The following MYOF variants were observed in gnomAD, a reference collection of about 807,000 sequenced individuals.
MYOF encodes the protein myoferlin.
In MYOF, 244 loss-of-function variants were observed where a neutral mutation model predicts 284.2. That is an observed-to-expected ratio of 0.86 (90% confidence interval 0.77 to 0.95). MYOF has a LOEUF of 0.95. Among genes scored for constraint, MYOF ranks in the 40% least tolerant of loss-of-function variants. MYOF has a pLI of 0.00. For synonymous variants in MYOF, 904 were observed against 919.7 expected (o/e 0.98, Z 0.31); for missense variants, 2,496 against 2,560.6 (o/e 0.97, Z 0.54).
In MYOF at chr10:93,310,012, G is replaced by T; in HGVS notation, c.6147+8C>A. The T allele has an allele frequency of 6.2e-7, 1 of 1,614,040 alleles. No homozygotes were observed. The highest frequency in any genetic ancestry group is 8.5e-7 in the Non-Finnish European group (1 of 1,179,996). ...AGCCAAGACAAGGGGCCAAGGAAGG[G>T]CTCCTACCGGCAAAGAGTAGAGGAG... On this transcript the variant is annotated splice_region_variant and intron_variant, in intron 53 of 53. Coordinates refer to ENST00000359263, the MANE Select transcript of MYOF (RefSeq NM_013451.4).
chr10:93,343,216 G>T (rs2422204), intron 38 of MYOF, among the ~76,000 whole-genome samples: 6,819 of 152,010 alleles, frequency 0.045, 531 homozygotes, highest in African/African-American at 0.16. Flanking sequence ...GAGGCTTTTT[G>T]CCCCCTTTCC....
chr10:93,370,647 G>A (rs1275916567), intron 24 of MYOF, among the ~76,000 whole-genome samples: 3 of 152,002 alleles, frequency 2.0e-5, no homozygotes, highest in Non-Finnish European at 4.4e-5. Context: ...CTCGACCCTT[G>A]AATACATGTC....
intron 29 of MYOF, 43 bp downstream of exon 29, chr10:93,359,790 G>A (rs375898075): frequency 1.1e-4 from 182 of 1,610,280 alleles, no homozygotes; most frequent in Non-Finnish European, 1.5e-4. Flanking sequence ...TAGTCAGGAG[G>A]GCAGAGCTCC....
At chr10:93,343,078 G>T (rs1016499197) in intron 38 of MYOF, among the ~76,000 whole-genome samples, 1 of 152,072 alleles carries the variant, frequency 6.6e-6, no homozygotes, top group Non-Finnish European at 1.5e-5. Context: ...ACTGTTTATG[G>T]ACATAACATA....
intron 16 of MYOF, among the ~76,000 whole-genome samples, chr10:93,393,617 T>C (rs1846807255): frequency 1.3e-5 from 2 of 152,270 alleles, no homozygotes; most frequent in African/African-American, 4.8e-5. Flanking sequence ...TATTATTTAA[T>C]GACTTCTCAT....
intron 41 of MYOF, among the ~76,000 whole-genome samples, chr10:93,335,467 G>T (rs1419039295): frequency 1.3e-5 from 2 of 152,226 alleles, no homozygotes; most frequent in South Asian, 4.1e-4. Context: ...CGAGAAAGGT[G>T]ACAAGGACTG....
At chr10:93,450,454 A>C (rs2056559210) in intron 3 of MYOF, among the ~76,000 whole-genome samples, 1 of 151,922 alleles carries the variant, frequency 6.6e-6, no homozygotes, top group South Asian at 2.1e-4. Flanking sequence ...CATGCCTGCA[A>C]TCCCAGCTGT....
chr10:93,335,821 G>T, intron 41 of MYOF, 100 bp downstream of exon 41: 1 of 1,416,084 alleles, frequency 7.1e-7, no homozygotes. Context: ...CTCAGAGGCT[G>T]CAGGATGTGC....
intron 1 of MYOF, among the ~76,000 whole-genome samples, chr10:93,457,494 G>T (rs931283227): frequency 2.0e-5 from 3 of 152,108 alleles, no homozygotes; most frequent in African/African-American, 7.2e-5. Flanking sequence ...CGGATAATTT[G>T]GGGCTTCCTT....
chr10:93,368,426 T>C (rs1364064989), intron 25 of MYOF, among the ~76,000 whole-genome samples: 1 of 152,202 alleles, frequency 6.6e-6, no homozygotes, highest in Non-Finnish European at 1.5e-5. Context: ...TCTGCATGCT[T>C]AACAAGAGAC....
rs753493011 is a variant in MYOF at position 93,323,136 on chromosome 10, C to T, written c.5398G>A (p.Val1800Ile). 22 of 1,613,982 alleles carry T rather than the reference C, an allele frequency of 1.4e-5. No homozygotes were observed. Among genetic ancestry groups the T allele is most frequent in the Admixed American group, 5.0e-5 (3 of 60,002 alleles). Reference protein sequence around the residue: ...LRVIIWNTKDVILDEKSITGE... With the variant: ...LRVIIWNTKDIILDEKSITGE... ...GTGATGCTTTTCTCGTCCAAGATAA[C>T]GTCCTTGGTGTTCCAGATGATCACA... Residue 1800 changes from valine to isoleucine, a missense_variant, in exon 48 of 54, where the codon GTT (valine) becomes ATT (isoleucine). Coordinates refer to ENST00000359263, the MANE Select transcript of MYOF (RefSeq NM_013451.4).
intron 1 of MYOF, among the ~76,000 whole-genome samples, chr10:93,459,411 C>T (rs2056824033): frequency 6.6e-6 from 1 of 152,222 alleles, no homozygotes; most frequent in African/African-American, 2.4e-5. Context: ...GTGCATTCTA[C>T]CACAGTGTCT....
chr10:93,313,256 C>A, intron 50 of MYOF, 46 bp from the exon 51 acceptor site: 4 of 1,558,950 alleles, frequency 2.6e-6, no homozygotes, highest in South Asian at 1.2e-5. Context: ...TCAAGTGGAT[C>A]AGCTGTTGTT....
At chr10:93,446,201 G>A (rs74150238) in intron 3 of MYOF, among the ~76,000 whole-genome samples, 7,883 of 152,084 alleles carry the variant, frequency 0.052, 520 homozygotes, top group African/African-American at 0.15. Flanking sequence ...ACGCAGGGTC[G>A]GCCTTCCACT....
intron 3 of MYOF, among the ~76,000 whole-genome samples, chr10:93,435,417 G>A (rs781501181): frequency 2.0e-5 from 3 of 152,132 alleles, no homozygotes; most frequent in East Asian, 1.9e-4. Context: ...CAAAAACTTC[G>A]AGGCACATTG....
chr10:93,405,494 A>G (rs79697697), intron 7 of MYOF, among the ~76,000 whole-genome samples: 2,494 of 152,202 alleles, frequency 0.016, 74 homozygotes, highest in African/African-American at 0.055. Context: ...AAGTTTCACT[A>G]TGTTGCTCGG....
At chr10:93,435,603 T>C (rs1335364067) in intron 3 of MYOF, among the ~76,000 whole-genome samples, 1 of 152,234 alleles carries the variant, frequency 6.6e-6, no homozygotes. Context: ...TCTAACAATC[T>C]GTTGCTAGGC....
intron 1 of MYOF, among the ~76,000 whole-genome samples, chr10:93,474,834 C>T (rs2057225358): frequency 1.3e-5 from 2 of 151,892 alleles, no homozygotes; most frequent in Middle Eastern, 6.8e-3. Flanking sequence ...GCAACCTTCA[C>T]CTCCCGAGTT....
intron 17 of MYOF, among the ~76,000 whole-genome samples, chr10:93,389,381 A>G (rs1665161118): frequency 6.6e-6 from 1 of 152,248 alleles, no homozygotes; most frequent in African/African-American, 2.4e-5. Context: ...ACTTATTTTT[A>G]TAAAAAGATA....
Sources: gnomAD v4.1 joint callset for allele counts (sites outside exome capture counted in the v4.1 genomes callset) on GRCh38, gnomAD v4.1.1 for gene constraint, MANE v1.5 for transcripts, NCBI Gene and HGNC (gene_info 2026-07-23, HGNC 2026-07-21) for gene names.